The following MTA1 variants were observed in gnomAD, a reference collection of about 807,000 sequenced individuals.
MTA1 encodes metastasis-associated protein MTA1.
Under a neutral mutation model 97.0 loss-of-function variants are expected in MTA1, and 15 were observed. That is an observed-to-expected ratio of 0.15 (90% confidence interval 0.10 to 0.24). The LOEUF (loss-of-function observed/expected upper bound fraction) is 0.24. Ranked by LOEUF, MTA1 falls within the 10% of genes least tolerant of loss-of-function variation. The probability of loss-of-function intolerance (pLI) is 1.00; values close to 1 mark genes in which losing one functional copy is unlikely to be tolerated. For synonymous variants in MTA1, 435 were observed against 417.5 expected, an observed-to-expected ratio of 1.04 and a Z score of -0.51; for missense variants, 709 against 1,015.1, an observed-to-expected ratio of 0.70 and a Z score of 4.10.
Position 105,441,748 on chromosome 14 carries a change from C to A in MTA1, c.96+3009C>A, listed in dbSNP as rs191751518. 1.6e-3 allele frequency among the ~76,000 whole-genome samples: 240 copies of A among 152,220 alleles called. 1 individual carries two copies. Among genetic ancestry groups the A allele is most frequent in the Non-Finnish European group, 2.9e-3 (200 of 67,998 alleles). Reference sequence around the variant, plus strand: ...GGTGGAGCTTGCAGTGAGCCGAGATCCCGCCACTACACTCCAGCCTGGGCG... The same window carrying A: ...GGTGGAGCTTGCAGTGAGCCGAGATACCGCCACTACACTCCAGCCTGGGCG... On this transcript the variant is annotated intron_variant, in intron 2 of 20. Coordinates refer to ENST00000331320, the MANE Select transcript of MTA1 (RefSeq NM_004689.4).
intron 6 of MTA1, among the ~76,000 whole-genome samples, chr14:105,451,783 GTTTTTTT>G (rs869240296): frequency 3.5e-4 from 11 of 31,398 alleles, no homozygotes; most frequent in Non-Finnish European, 5.8e-4. Context: ...TTCTTTTTTT[GTTTTTTT>G]TTTTTTTTTT....
At chr14:105,434,774 T>G (rs2082282082) in intron 1 of MTA1, among the ~76,000 whole-genome samples, 1 of 152,228 alleles carries the variant, frequency 6.6e-6, no homozygotes, top group African/African-American at 2.4e-5. Context: ...GTGCTGGGAT[T>G]ACAGGCGTGA....
At chr14:105,444,759 C>G (rs2082657994) in intron 2 of MTA1, among the ~76,000 whole-genome samples, 1 of 151,024 alleles carries the variant, frequency 6.6e-6, no homozygotes, top group Admixed American at 6.6e-5. Flanking sequence ...ACACTGCACT[C>G]CAGCCTGGGC....
Position 105,469,959 on chromosome 14 carries a change from A to G in MTA1, c.1964A>G (p.Asp655Gly). 6.2e-7 allele frequency: 1 copy of G among 1,612,496 alleles called. No individual in the cohort carries two copies. The highest frequency in any genetic ancestry group is 8.5e-7 in the Non-Finnish European group (1 of 1,179,844). The change falls in exon 20 of 21, where the codon GAT becomes GGT. Residue 655 changes from aspartate (D) to glycine (G), a missense_variant. Physicochemically the swap from Asp to Gly is moderately conservative, Grantham distance 94 (BLOSUM62 -1). Around this residue, in one of 2 missense-constraint regions of MTA1, gnomAD observed 388 missense variants for 421.6 expected, o/e 0.92. Coordinates refer to ENST00000331320, the MANE Select transcript of MTA1 (RefSeq NM_004689.4). The part of the protein sequence containing the change: ...RRRMNWIDAP[D>G]DVFYMATEET... The stretch of plus-strand genomic sequence containing the variant: ...CGGATGAACTGGATCGACGCCCCGG[A>G]TGACGTGTTCTACATGGCCACAGAG...
At chr14:105,448,273 C>T (rs897978859) in intron 3 of MTA1, among the ~76,000 whole-genome samples, 1 of 152,082 alleles carries the variant, frequency 6.6e-6, no homozygotes, top group African/African-American at 2.4e-5. Flanking sequence ...GCCAGCCCCA[C>T]CTCCTGCCTG....
intron 19 of MTA1, 58 bp downstream of exon 19, chr14:105,469,556 G>A (rs1030548426): frequency 3.8e-6 from 6 of 1,588,302 alleles, no homozygotes; most frequent in Non-Finnish European, 5.2e-6. Flanking sequence ...TCTCTGGGGT[G>A]TTGGGAAGAG....
At chr14:105,434,742 C>T (rs587713063) in intron 1 of MTA1, among the ~76,000 whole-genome samples, 2 of 152,046 alleles carry the variant, frequency 1.3e-5, no homozygotes, top group African/African-American at 2.4e-5. Flanking sequence ...CTCAGGTGAT[C>T]CGCCCGCCTC....
intron 16 of MTA1, 65 bp downstream of exon 16, chr14:105,465,248 A>T (rs4983339): frequency 7.2e-7 from 1 of 1,390,858 alleles, no homozygotes; most frequent in Non-Finnish European, 9.6e-7. Context: ...ACCCAAGCTC[A>T]TGCACTGGTG....
At chr14:105,434,033 G>A (rs1555423907) in intron 1 of MTA1, among the ~76,000 whole-genome samples, 2 of 152,140 alleles carry the variant, frequency 1.3e-5, no homozygotes, top group African/African-American at 4.8e-5. Flanking sequence ...TCACCATGTT[G>A]GCCAGGATGG....
intron 2 of MTA1, among the ~76,000 whole-genome samples, chr14:105,441,701 G>A (rs1184757764): frequency 2.0e-5 from 3 of 152,198 alleles, no homozygotes; most frequent in African/African-American, 7.2e-5. Flanking sequence ...GGCTGAGGCA[G>A]GAGAATGGCG....
intron 6 of MTA1, among the ~76,000 whole-genome samples, chr14:105,453,345 C>T (rs1400313554): frequency 6.6e-6 from 1 of 152,246 alleles, no homozygotes; most frequent in East Asian, 1.9e-4. Flanking sequence ...CACATTGCTG[C>T]TGCTGATAGG....
chr14:105,429,722 G>A (rs1394803483), intron 1 of MTA1, among the ~76,000 whole-genome samples: 2 of 138,704 alleles, frequency 1.4e-5, no homozygotes, highest in East Asian at 4.4e-4. Flanking sequence ...CGAAGTGCTG[G>A]GATTACAGAC....
Position 105,422,515 on chromosome 14 carries a change from C to T in MTA1, c.28+2452C>T, listed in dbSNP as rs942980358. Reference sequence around the variant, plus strand: ...GAAGGGGCTTGCTCCTGTGCCCCCCCACCCCAGGGACCTTGTGTGTAGAGG... The same window carrying T: ...GAAGGGGCTTGCTCCTGTGCCCCCCTACCCCAGGGACCTTGTGTGTAGAGG... On this transcript the variant is annotated intron_variant, in intron 1 of 20. Coordinates refer to ENST00000331320, the MANE Select transcript of MTA1 (RefSeq NM_004689.4). This position sits in a 1 kb window ranked among gnomAD's most constrained non-coding sequence, Gnocchi z 4.3. 5.9e-5 allele frequency among the ~76,000 whole-genome samples: 9 copies of T among 152,316 alleles called. No individual in the cohort carries two copies. Among genetic ancestry groups the T allele is most frequent in the Non-Finnish European group, 1.2e-4 (8 of 68,030 alleles).
At chr14:105,449,295 GGCAGGGA>G in intron 3 of MTA1, 57 bp from the exon 4 acceptor site, 3 of 1,545,182 alleles carry the variant, frequency 1.9e-6, no homozygotes, top group South Asian at 2.4e-5. Flanking sequence ...CCGGGCCCTG[GGCAGGGA>G]GCAGGCCGCC....
chr14:105,457,281 G>A (rs1182636290), intron 7 of MTA1, among the ~76,000 whole-genome samples: 1 of 152,250 alleles, frequency 6.6e-6, no homozygotes, highest in Admixed American at 6.5e-5. Flanking sequence ...TCCTGAGGGT[G>A]TCTCCCAACA....
intron 15 of MTA1, 26 bp from the exon 16 acceptor site, chr14:105,465,068 C>T: frequency 6.7e-7 from 1 of 1,489,238 alleles, no homozygotes; most frequent in Non-Finnish European, 9.0e-7. Flanking sequence ...GGTGCCCCAC[C>T]CCTCACACCG....
chr14:105,469,370 C>T (rs1193149260), intron 18 of MTA1, 97 bp from the exon 19 acceptor site: 38 of 1,378,870 alleles, frequency 2.8e-5, no homozygotes, highest in South Asian at 8.2e-5. Context: ...CAGATGGCCC[C>T]GGCCCATTGT....
At chr14:105,467,481 G>A (rs782145126) in intron 18 of MTA1, 35 of 455,828 alleles carry the variant, frequency 7.7e-5, no homozygotes, top group Non-Finnish European at 1.2e-4. Flanking sequence ...GCATTCTCTC[G>A]AGGCTGCTGG....
In MTA1 at chr14:105,438,693, C is replaced by T. The variant is rs1555424969; in HGVS notation, c.50C>T (p.Ser17Phe). The T allele has an allele frequency of 1.2e-6, 2 of 1,613,374 alleles. No homozygotes were observed. The highest frequency in any genetic ancestry group is 1.7e-6 in the Non-Finnish European group (2 of 1,179,890). The change falls in exon 2 of 21, where the codon TCC becomes TTC. Residue 17 changes from serine (S) to phenylalanine (F), a missense_variant. This residue lies in a region of MTA1 where 321 missense variants were observed against 593.5 expected (regional missense o/e 0.54). Transcript: ENST00000331320. ...GCAGACTACGTCTACTTTGAGAACTCCTCCAGCAACCCATACCTGATCCGG... is the reference window on the plus strand; with the variant it reads ...GCAGACTACGTCTACTTTGAGAACTTCTCCAGCAACCCATACCTGATCCGG... ...RVGDYVYFEN[S>F]SSNPYLIRRI...
Sources: gnomAD v4.1 joint callset for allele counts (sites outside exome capture counted in the v4.1 genomes callset) on GRCh38, gnomAD v4.1.1 for gene constraint, gnomAD v4.1.1 regional missense constraint, Gnocchi (gnomAD v3.1) non-coding constraint, MANE v1.5 for transcripts, NCBI Gene and HGNC (gene_info 2026-07-23, HGNC 2026-07-21) for gene names.